CIDEC: variants seen among roughly 807,000 people sequenced by gnomAD.
CIDEC encodes the protein lipid transferase CIDEC.
CIDEC carries 11 observed loss-of-function variants against 21.9 expected under a neutral mutation model. The observed-to-expected ratio is 0.50, with a 90% CI of 0.32 to 0.83. The LOEUF is 0.83. Among genes scored for constraint, CIDEC ranks in the 40% least tolerant of loss-of-function variants. The pLI is 0.04. For missense variants in CIDEC, 302 were observed against 302.3 expected (o/e 1.00, Z 0.01); for synonymous variants, 127 against 124.9 (o/e 1.02, Z -0.11).
At chr3:9,871,544 A>C (rs1240965973) in intron 4 of CIDEC, among the ~76,000 whole-genome samples, 3 of 151,836 alleles carry the variant, frequency 2.0e-5, no homozygotes, top group African/African-American at 7.3e-5. Flanking sequence ...ATCATTTTAC[A>C]TCCCCACTAG....
At chr3:9,868,605 C>T (rs1468419708) in intron 6 of CIDEC, among the ~76,000 whole-genome samples, 4 of 152,146 alleles carry the variant, frequency 2.6e-5, no homozygotes, top group African/African-American at 7.2e-5. Flanking sequence ...AATGGGGAAG[C>T]GGGAGCGGGT....
chr3:9,877,338 C>T (rs1186710695), intron 3 of CIDEC, 119 bp from the exon 4 acceptor site: 2 of 934,042 alleles, frequency 2.1e-6, no homozygotes, highest in African/African-American at 3.3e-5. Flanking sequence ...CCCCCCATCA[C>T]CTGCTAATCC....
chr3:9,870,164 C>T lies in CIDEC; in HGVS notation c.366G>A (p.Gln122=). 1 of 1,614,126 alleles carries T rather than the reference C, an allele frequency of 6.2e-7. No individual in the cohort carries two copies. Among genetic ancestry groups the T allele is most frequent in the East Asian group, 2.2e-5 (1 of 44,884 alleles). ...TCAGGTGCAACAGGTGGGACCTCAC[C>T]TGTTCTGATGGGGGCTGCCATTTCT... The part of the protein sequence containing the change: ...KGQKWQPPSE[Q]GTRHPLSLSH... Residue 122 remains glutamine, a splice_region_variant and synonymous_variant, in exon 5 of 7, where the codon CAG becomes CAA. Coordinates refer to ENST00000336832, the MANE Select transcript of CIDEC (RefSeq NM_001321142.2).
chr3:9,879,500 T>C (rs955874053), intron 1 of CIDEC, among the ~76,000 whole-genome samples: 2 of 152,136 alleles, frequency 1.3e-5, no homozygotes, highest in African/African-American at 2.4e-5. Flanking sequence ...CTTTATTGAA[T>C]TTTAACTAAT....
intron 4 of CIDEC, among the ~76,000 whole-genome samples, chr3:9,876,742 A>G: frequency 7.5e-6 from 1 of 133,442 alleles, no homozygotes. Context: ...GGATGACAAG[A>G]GTGAGACTTC....
At chr3:9,871,173 A>ATTTTTTTT (rs59917579) in intron 4 of CIDEC, among the ~76,000 whole-genome samples, 2 of 120,166 alleles carry the variant, frequency 1.7e-5, no homozygotes, top group African/African-American at 3.1e-5. Context: ...TCTATGTTTA[A>ATTTTTTTT]TTTTTTTTTT....
At position 9,877,124 on chromosome 3, in the gene CIDEC, G is replaced by C. The variant is rs574033260; in HGVS notation, c.149C>G (p.Ala50Gly). 7.7e-6 allele frequency: 12 copies of C among 1,552,808 alleles called. No individual in the cohort carries two copies. The highest frequency in any genetic ancestry group is 9.6e-6 in the Non-Finnish European group (11 of 1,147,554). Residue 50 changes from alanine (A) to glycine (G), a missense_variant, in exon 4 of 7, where the codon GCG becomes GGG. By Grantham distance (60) the Ala-to-Gly change is moderately conservative (BLOSUM62 0). Coordinates refer to ENST00000336832, the MANE Select transcript of CIDEC (RefSeq NM_001321142.2). ...PRARPCRVSTADRSVRKGIMA... is the reference protein window; with the variant it reads ...PRARPCRVSTGDRSVRKGIMA... ...GATGCCCTTCCTCACGCTTCGATCCGCCGTGCTTACGCGGCAGGGCCGGGC... is the reference window on the plus strand; with the variant it reads ...GATGCCCTTCCTCACGCTTCGATCCCCCGTGCTTACGCGGCAGGGCCGGGC...
rs971811671 is a variant in CIDEC, at chr3:9,878,446, T to A, written c.41A>T (p.Lys14Met). The A allele has an allele frequency of 3.7e-6, 6 of 1,613,084 alleles. No homozygotes were observed. The African/African-American group carries it at 6.7e-5, about 18-fold the overall frequency. Residue 14 changes from lysine (K) to methionine (M), a missense_variant, in exon 3 of 7, where the codon AAG (lysine) becomes ATG (methionine). By Grantham distance (95) the Lys-to-Met change is moderately conservative. Transcript: ENST00000336832. ...TGACTTTCCTCACCTGGAGAGGGAC[T>A]TGGGGTAGAGAAGGCTAAGGGACTT... is the stretch of plus-strand genomic sequence containing the variant. Reference protein sequence around the residue: ...AMKSLSLLYPKSLSRHVSVRT... With the variant: ...AMKSLSLLYPMSLSRHVSVRT...
In CIDEC at chr3:9,877,223, G is replaced by A; in HGVS notation, c.54-4C>T. ...AGAGGTACGCACTGACACATGCCTG[G>A]GGCAGTTGAAGCATCAGGGTGAGCC... On this transcript the variant is annotated splice_region_variant and splice_polypyrimidine_tract_variant and intron_variant, in intron 3 of 6. Transcript: ENST00000336832. 6.5e-7 allele frequency: 1 copy of A among 1,549,924 alleles called. No individual in the cohort carries two copies. The highest frequency in any genetic ancestry group is 8.7e-7 in the Non-Finnish European group (1 of 1,146,978).
At chr3:9,872,418 G>A (rs957595811) in intron 4 of CIDEC, among the ~76,000 whole-genome samples, 8 of 152,034 alleles carry the variant, frequency 5.3e-5, no homozygotes, top group South Asian at 2.1e-4. Flanking sequence ...CAAGCGATCC[G>A]CCTGCCTCCA....
chr3:9,878,704 C>G, intron 2 of CIDEC, 193 bp from the exon 3 acceptor site: 1 of 1,511,854 alleles, frequency 6.6e-7, no homozygotes, highest in East Asian at 2.5e-5. Context: ...AGCTGGAGAC[C>G]CCACCCCTCT....
Position 9,869,887 on chromosome 3 carries a change from G to T in CIDEC, c.549C>A (p.Ile183=). ...GGAAATCCCAATTTGCTCACTTCAT[G>T]ATGCGCTTGGCCCCACAGCAGTGCA... ...YDLHCCGAKR[I]MKEAFRWALF... Residue 183 remains isoleucine (I), a synonymous_variant, in exon 6 of 7, where the codon ATC becomes ATA. Coordinates refer to ENST00000336832, the MANE Select transcript of CIDEC (RefSeq NM_001321142.2). The T allele has an allele frequency of 6.2e-7, 1 of 1,612,710 alleles. No homozygotes were observed. The highest frequency in any genetic ancestry group is 8.5e-7 in the Non-Finnish European group (1 of 1,179,880).
chr3:9,878,460 G>C lies in CIDEC; in HGVS notation c.27C>G (p.Ser9Arg), dbSNP rs771940288. 6.2e-7 allele frequency: 1 copy of C among 1,613,872 alleles called. No homozygotes were observed. Among genetic ancestry groups the C allele is most frequent in the Non-Finnish European group, 8.5e-7 (1 of 1,179,786 alleles). The change falls in exon 3 of 7, where the codon AGC becomes AGG. Residue 9 changes from serine to arginine, a missense_variant. Physicochemically the swap from Ser to Arg is moderately radical, Grantham distance 110 (BLOSUM62 -1). Coordinates refer to ENST00000336832, the MANE Select transcript of CIDEC (RefSeq NM_001321142.2). ...TGGAGAGGGACTTGGGGTAGAGAAG[G>C]CTAAGGGACTTCATGGCGTATTCCA... Reference protein sequence around the residue: MEYAMKSLSLLYPKSLSRH... With the variant: MEYAMKSLRLLYPKSLSRH...
rs1185998252 is a variant in CIDEC, at chr3:9,868,992, C to T, written c.554+890G>A. 9.9e-5 allele frequency among the ~76,000 whole-genome samples: 15 copies of T among 151,760 alleles called. No homozygotes were observed. The East Asian group carries it at 1.4e-3, about 14-fold the overall frequency. On this transcript the variant is annotated intron_variant, in intron 6 of 6. Coordinates refer to ENST00000336832, the MANE Select transcript of CIDEC (RefSeq NM_001321142.2). The stretch of plus-strand genomic sequence containing the variant: ...AGCATTTTGTGTGTGTGTGTGTGTG[C>T]GCACACACGGGCGTGTGATAAAGAC...
At chr3:9,870,979 A>G (rs2082340354) in intron 4 of CIDEC, among the ~76,000 whole-genome samples, 1 of 151,414 alleles carries the variant, frequency 6.6e-6, no homozygotes, top group Non-Finnish European at 1.5e-5. Context: ...ATAATATTCT[A>G]CTATATAGAT....
Position 9,866,854 on chromosome 3 carries a change from GCAGACTTCATGCCAATGGAGGGA to G in CIDEC, c.*257_*279del, listed in dbSNP as rs2082276446. On this transcript the variant is annotated 3_prime_UTR_variant, in exon 7 of 7. Transcript: ENST00000336832. ...GCCTGCGAGGCCAGATTGCTAAGGG[GCAGACTTCATGCCAATGGAGGGA>G]CAGACTTCAGGACCAGTCTGGATGG... 1 of 601,734 alleles carries G rather than the reference GCAGACTTCATGCCAATGGAGGGA, an allele frequency of 1.7e-6. No individual in the cohort carries two copies. Among genetic ancestry groups the G allele is most frequent in the African/African-American group, 1.8e-5 (1 of 54,128 alleles). The allele number at this position is 601,734 out of a possible 1,614,324, so 37.3% of individuals were successfully genotyped here.
chr3:9,878,724 G>T, intron 2 of CIDEC: 2 of 1,533,484 alleles, frequency 1.3e-6, no homozygotes, highest in South Asian at 2.4e-5. Flanking sequence ...TCCCCACCGG[G>T]TGCTCAGGCT....
In CIDEC at chr3:9,867,190, G is replaced by A. The variant is rs757508684; in HGVS notation, c.661C>T (p.Pro221Ser). 2 of 1,614,030 alleles carry A rather than the reference G, an allele frequency of 1.2e-6. No individual in the cohort carries two copies. The highest frequency in any genetic ancestry group is 2.2e-5 in the South Asian group (2 of 91,078). ...QLLDATEEGQ[P>S]PKGKASSLIP... ...AGGGATGAGGCCTTGCCCTTGGGGG[G>A]CTGCCCTTCCTCCGTAGCATCGAGG... The change falls in exon 7 of 7, where the codon CCC becomes TCC. Residue 221 changes from proline (P) to serine (S), a missense_variant. Coordinates refer to ENST00000336832, the MANE Select transcript of CIDEC (RefSeq NM_001321142.2).
Position 9,866,862 on chromosome 3 carries a change from C to G in CIDEC, c.*272G>C. ...GGCCAGATTGCTAAGGGGCAGACTT[C>G]ATGCCAATGGAGGGACAGACTTCAG... On this transcript the variant is annotated 3_prime_UTR_variant, in exon 7 of 7. Transcript: ENST00000336832. 1 of 604,840 alleles carries G rather than the reference C, an allele frequency of 1.7e-6. No individual in the cohort carries two copies. Among genetic ancestry groups the G allele is most frequent in the Non-Finnish European group, 3.0e-6 (1 of 338,656 alleles). 37.5% of individuals were successfully genotyped at this position (604,840 alleles called of 1,614,324 possible).
Sources: allele counts gnomAD v4.1 joint callset (sites outside exome capture counted in the v4.1 genomes callset), GRCh38; gene constraint gnomAD v4.1.1; transcripts MANE v1.5; gene names NCBI Gene and HGNC (gene_info 2026-07-23, HGNC 2026-07-21).